Variants in PARD3B observed in about 807,000 individuals in gnomAD.
PARD3B encodes the protein partitioning defective 3 homolog B.
In PARD3B, 103 loss-of-function variants were observed where a neutral mutation model predicts 130.2. The ratio of observed to expected loss-of-function variants is 0.79; its 90% confidence interval spans 0.67 to 0.93. The LOEUF (loss-of-function observed/expected upper bound fraction) is 0.93, where lower values mean the gene tolerates loss of function less well. Ranked by LOEUF, PARD3B falls within the 40% of genes least tolerant of loss-of-function variation. PARD3B has a pLI of 0.00. For synonymous variants in PARD3B, 583 were observed against 553.2 expected, an observed-to-expected ratio of 1.05 and a Z score of -0.76; for missense variants, 1,609 against 1,499.2, an observed-to-expected ratio of 1.07 and a Z score of -1.21.
chr2:204,716,749 A>G (rs2038749410), intron 2 of PARD3B, among the ~76,000 whole-genome samples: 2 of 150,680 alleles, frequency 1.3e-5, no homozygotes, highest in African/African-American at 4.9e-5. Context: ...CATCCTCCTG[A>G]GTAGCTGGGA....
At chr2:204,952,174 A>C (rs186909312) in intron 2 of PARD3B, among the ~76,000 whole-genome samples, 22 of 152,332 alleles carry the variant, frequency 1.4e-4, no homozygotes, top group African/African-American at 5.3e-4. Flanking sequence ...TTTCAACATA[A>C]AGAATTTTCA....
At chr2:205,013,784 G>A (rs976007454) in intron 3 of PARD3B, among the ~76,000 whole-genome samples, 1 of 152,146 alleles carries the variant, frequency 6.6e-6, no homozygotes, top group African/African-American at 2.4e-5. Context: ...CAACTGTGGC[G>A]GGTTCACAGG....
rs533498097 is a variant in PARD3B at position 205,374,227 on chromosome 2, A to G, written c.2631-26786A>G. Among the ~76,000 whole-genome samples the G allele has an allele frequency of 2.4e-4, 36 of 152,056 alleles. No homozygotes were observed. The East Asian group carries it at 5.8e-3, about 24-fold the overall frequency. ...CTTCTTCATAATCCCATACAAAACA[A>G]CCACTTTATTATTATTATTATTTTT... is the stretch of plus-strand genomic sequence containing the variant. On this transcript the variant is annotated intron_variant, in intron 18 of 22. Coordinates refer to ENST00000406610, the MANE Select transcript of PARD3B (RefSeq NM_001302769.2).
chr2:205,197,781 CCCTA>C (rs978085508), intron 15 of PARD3B, among the ~76,000 whole-genome samples: 18 of 152,104 alleles, frequency 1.2e-4, no homozygotes, highest in African/African-American at 3.6e-4. Context: ...GTAGACTTTT[CCCTA>C]TTTATTTAAA....
At chr2:205,137,816 C>G (rs1002091964) in intron 10 of PARD3B, among the ~76,000 whole-genome samples, 5 of 152,190 alleles carry the variant, frequency 3.3e-5, no homozygotes, top group African/African-American at 1.2e-4. Flanking sequence ...GTTCAGTGTC[C>G]TTACATGGCA....
chr2:204,751,767 A>G (rs2040476429), intron 2 of PARD3B, among the ~76,000 whole-genome samples: 3 of 152,220 alleles, frequency 2.0e-5, no homozygotes. Context: ...GTAGTTGACA[A>G]TTCATTGGCT....
chr2:205,534,250 A>C (rs1410725759), intron 21 of PARD3B, among the ~76,000 whole-genome samples: 1 of 152,198 alleles, frequency 6.6e-6, no homozygotes, highest in Non-Finnish European at 1.5e-5. Context: ...AAACAAGTAA[A>C]GAGTAAATAT....
intron 18 of PARD3B, among the ~76,000 whole-genome samples, chr2:205,320,711 G>T (rs2042724532): frequency 6.6e-6 from 1 of 152,204 alleles, no homozygotes; most frequent in African/African-American, 2.4e-5. Context: ...AATGCACATG[G>T]CATCTCAAAT....
intron 19 of PARD3B, among the ~76,000 whole-genome samples, chr2:205,422,837 C>G (rs2047015574): frequency 2.3e-4 from 1 of 4,426 alleles, no homozygotes; most frequent in Non-Finnish European, 5.6e-4. Flanking sequence ...AGAATAGGCC[C>G]TGAAAAGAAT....
chr2:204,765,319 C>T (rs141277821), intron 2 of PARD3B, among the ~76,000 whole-genome samples: 1,960 of 152,244 alleles, frequency 0.013, 22 homozygotes, highest in Middle Eastern at 0.071. Context: ...TGAGTTTTAA[C>T]AAGTCTTGCA....
intron 3 of PARD3B, among the ~76,000 whole-genome samples, chr2:205,034,190 T>A (rs780819220): frequency 1.8e-4 from 28 of 152,182 alleles, no homozygotes; most frequent in Non-Finnish European, 2.8e-4. Flanking sequence ...CATCTGTCTT[T>A]GCGCCTGTAG....
chr2:204,861,774 T>A (rs1157374975), intron 2 of PARD3B, among the ~76,000 whole-genome samples: 1 of 151,846 alleles, frequency 6.6e-6, no homozygotes, highest in Non-Finnish European at 1.5e-5. Context: ...GAGGGAAGCA[T>A]GCAGATAAAA....
At chr2:205,452,808 A>G (rs2048149171) in intron 20 of PARD3B, among the ~76,000 whole-genome samples, 1 of 152,154 alleles carries the variant, frequency 6.6e-6, no homozygotes, top group African/African-American at 2.4e-5. Flanking sequence ...TGCATGAGCT[A>G]GGCAAAGAGG....
At chr2:205,535,532 A>C (rs73060130) in intron 21 of PARD3B, among the ~76,000 whole-genome samples, 3,490 of 152,290 alleles carry the variant, frequency 0.023, 129 homozygotes, top group African/African-American at 0.078. Flanking sequence ...TAATACCATT[A>C]ATATGATATT....
At chr2:205,308,944 C>T (rs1046819166) in intron 18 of PARD3B, among the ~76,000 whole-genome samples, 4 of 152,162 alleles carry the variant, frequency 2.6e-5, no homozygotes, top group South Asian at 2.1e-4. Context: ...CCCTTGGTGA[C>T]GGTCTAACAG....
At position 205,536,920 on chromosome 2, in the gene PARD3B, T is replaced by G. The variant is rs186323965; in HGVS notation, c.3181-16404T>G. 3.9e-5 allele frequency among the ~76,000 whole-genome samples: 6 copies of G among 152,304 alleles called. No homozygotes were observed. The East Asian group carries it at 1.2e-3, about 29-fold the overall frequency. On this transcript the variant is annotated intron_variant, in intron 21 of 22. Coordinates refer to ENST00000406610, the MANE Select transcript of PARD3B (RefSeq NM_001302769.2). The stretch of plus-strand genomic sequence containing the variant: ...GGCATTACATCTGTCACAAATACAT[T>G]ATGAATTGGCGTTGTACATTTTCTA...
intron 21 of PARD3B, among the ~76,000 whole-genome samples, chr2:205,519,060 G>A (rs2106391614): frequency 6.6e-6 from 1 of 152,288 alleles, no homozygotes; most frequent in Non-Finnish European, 1.5e-5. Flanking sequence ...ATGATTGTGT[G>A]TCTTGGGGAT....
At position 204,588,526 on chromosome 2, in the gene PARD3B, A is replaced by G. The variant is rs546618087; in HGVS notation, c.120+42407A>G. 1.3e-4 allele frequency among the ~76,000 whole-genome samples: 20 copies of G among 152,256 alleles called. No individual in the cohort carries two copies. In the South Asian group the frequency reaches 3.9e-3, roughly 30 times the overall value. ...TTCCATTGGGCTTTTGGTTTCTTTT[A>G]CAGTTTTCCAAGGCACTACATCATT... is the stretch of plus-strand genomic sequence containing the variant. On this transcript the variant is annotated intron_variant, in intron 1 of 22. Transcript: ENST00000406610.
intron 10 of PARD3B, among the ~76,000 whole-genome samples, chr2:205,136,328 T>A (rs532780110): frequency 1.3e-5 from 2 of 152,344 alleles, no homozygotes; most frequent in African/African-American, 4.8e-5. Flanking sequence ...ATAGAACTTA[T>A]TTACTTCTAC....
Sources: gnomAD v4.1 joint callset for allele counts (sites outside exome capture counted in the v4.1 genomes callset) on GRCh38, gnomAD v4.1.1 for gene constraint, MANE v1.5 for transcripts, NCBI Gene and HGNC (gene_info 2026-07-23, HGNC 2026-07-21) for gene names.